The following IL1RAPL1 variants were observed in gnomAD, a reference collection of about 807,000 sequenced individuals.
IL1RAPL1 encodes the protein interleukin 1 receptor accessory protein like 1.
A neutral mutation model predicts 48.4 loss-of-function variants in IL1RAPL1; 3 were observed. The ratio of observed to expected loss-of-function variants is 0.06; its 90% CI spans 0.03 to 0.16. The LOEUF (loss-of-function observed/expected upper bound fraction) is 0.16. Among genes scored for constraint, IL1RAPL1 ranks in the 10% least tolerant of loss-of-function variants. The probability of loss-of-function intolerance (pLI) is 1.00; values close to 1 mark genes in which losing one functional copy is unlikely to be tolerated. For missense variants in IL1RAPL1, 349 were observed against 530.6 expected, an observed-to-expected ratio of 0.66 and a Z score of 3.36; for synonymous variants, 185 against 187.7, an observed-to-expected ratio of 0.99 and a Z score of 0.12.
chrX:28,662,157 T>C (rs760676512), intron 1 of IL1RAPL1, among the ~76,000 whole-genome samples: 7 of 110,430 alleles, frequency 6.3e-5, no homozygotes, highest in Non-Finnish European at 1.3e-4. Context: ...CTAGAGAAGC[T>C]GTTATTTACC....
intron 2 of IL1RAPL1, among the ~76,000 whole-genome samples, chrX:28,816,451 T>G (rs976646592): frequency 9.0e-6 from 1 of 110,512 alleles, no homozygotes; most frequent in African/African-American, 3.3e-5. Context: ...TTTATGTTCA[T>G]GAGTATCCAG....
intron 5 of IL1RAPL1, among the ~76,000 whole-genome samples, chrX:29,532,791 C>G (rs1007794148): frequency 5.4e-5 from 6 of 112,012 alleles, no homozygotes; most frequent in Admixed American, 4.7e-4. Flanking sequence ...TTTTTAAACT[C>G]TTCAAGCATT....
At chrX:29,084,811 C>G (rs1927917333) in intron 2 of IL1RAPL1, among the ~76,000 whole-genome samples, 1 of 112,391 alleles carries the variant, frequency 8.9e-6, no homozygotes, top group Non-Finnish European at 1.9e-5. Flanking sequence ...CCTGCCTCAG[C>G]CTCCCGAGTA....
intron 2 of IL1RAPL1, among the ~76,000 whole-genome samples, chrX:29,230,504 C>CGAAAAAAAAAAA (rs1931170202): frequency 6.0e-5 from 1 of 16,588 alleles, no homozygotes; most frequent in Non-Finnish European, 9.4e-5. Context: ...GTCCCTTTAC[C>CGAAAAAAAAAAA]AAAAAAAAAA....
intron 1 of IL1RAPL1, among the ~76,000 whole-genome samples, chrX:28,768,254 TC>T (rs1936263810): frequency 9.0e-6 from 1 of 111,454 alleles, no homozygotes; most frequent in Non-Finnish European, 1.9e-5. Context: ...TGCACTTTGA[TC>T]TTTACTTTGT....
chrX:29,566,683 A>G (rs1922417627), intron 5 of IL1RAPL1, among the ~76,000 whole-genome samples: 1 of 112,227 alleles, frequency 8.9e-6, no homozygotes, highest in South Asian at 3.7e-4. Flanking sequence ...AAGTATGCAC[A>G]TGGGGGGAAA....
intron 5 of IL1RAPL1, among the ~76,000 whole-genome samples, chrX:29,430,597 G>A (rs1934410343): frequency 9.4e-6 from 1 of 106,285 alleles, no homozygotes; most frequent in South Asian, 3.9e-4. Flanking sequence ...ATATATATGT[G>A]TGTGTGTGTG....
chrX:29,567,183 T>C (rs1922438529), intron 5 of IL1RAPL1, among the ~76,000 whole-genome samples: 2 of 109,538 alleles, frequency 1.8e-5, no homozygotes, highest in South Asian at 7.7e-4. Flanking sequence ...GAGAACATCT[T>C]ATTAGATACC....
rs1439540428 is a variant in IL1RAPL1 at position 29,110,098 on chromosome X, A to G, written c.83-172840A>G. On this transcript the variant is annotated intron_variant, in intron 2 of 10. Transcript: ENST00000378993. ...AAAAAGCCTTTGGTAAAATTCTTCA[A>G]ATATGAATTTAAGCCTGAACAACAA... is the stretch of plus-strand genomic sequence containing the variant. 8.9e-5 allele frequency among the ~76,000 whole-genome samples: 10 copies of G among 111,803 alleles called. No homozygotes were observed. The Admixed American group carries it at 9.5e-4, about 11-fold the overall frequency.
rs148060509 is a variant in IL1RAPL1 at position 28,789,379 on chromosome X, C to T, written c.36C>T (p.Tyr12=). The part of the protein sequence containing the change: ...KAPIPHLILL[Y]ATFTQSLKVV... The stretch of plus-strand genomic sequence containing the variant: ...CGATTCCACACTTGATTCTCTTATA[C>T]GCTACTTTTACTCAGAGTTTGAAGG... The change falls in exon 2 of 11, where the codon TAC becomes TAT. Residue 12 remains tyrosine, a synonymous_variant. Transcript: ENST00000378993. The T allele has an allele frequency of 1.5e-3, 1,813 of 1,208,183 alleles. 3 individuals are homozygous for T. Among genetic ancestry groups the T allele is most frequent in the Non-Finnish European group, 1.5e-3 (1,338 of 893,547 alleles).
chrX:29,584,359 T>C (rs746448676), intron 5 of IL1RAPL1, among the ~76,000 whole-genome samples: 9 of 111,650 alleles, frequency 8.1e-5, no homozygotes, highest in Non-Finnish European at 1.7e-4. Flanking sequence ...AAACCTTTCT[T>C]GACTCCAATT....
At chrX:29,750,639 C>T (rs982248478) in intron 6 of IL1RAPL1, among the ~76,000 whole-genome samples, 5 of 111,579 alleles carry the variant, frequency 4.5e-5, no homozygotes, top group Non-Finnish European at 9.4e-5. Context: ...AGTGTAATGA[C>T]GTGGCATTTA....
At chrX:29,135,967 C>T (rs1929117334) in intron 2 of IL1RAPL1, among the ~76,000 whole-genome samples, 1 of 111,353 alleles carries the variant, frequency 9.0e-6, no homozygotes, top group African/African-American at 3.3e-5. Flanking sequence ...AAACTCCTGA[C>T]CTCAAGTGAT....
chrX:29,641,849 G>T (rs1197913610), intron 5 of IL1RAPL1, among the ~76,000 whole-genome samples: 1 of 112,016 alleles, frequency 8.9e-6, no homozygotes. Flanking sequence ...TCAAAATCCA[G>T]GGTCTCATGG....
At chrX:28,890,993 A>G (rs1051964253) in intron 2 of IL1RAPL1, among the ~76,000 whole-genome samples, 1 of 112,464 alleles carries the variant, frequency 8.9e-6, no homozygotes, top group Non-Finnish European at 1.9e-5. Context: ...TGGATTAAGT[A>G]GTTTTTGGTG....
At chrX:28,697,685 A>T (rs1318999957) in intron 1 of IL1RAPL1, among the ~76,000 whole-genome samples, 1 of 111,806 alleles carries the variant, frequency 8.9e-6, no homozygotes, top group East Asian at 2.8e-4. Flanking sequence ...AAATATCTTC[A>T]TATAAATATT....
chrX:29,664,486 TGGTAGGATA>T (rs1380233539), intron 5 of IL1RAPL1, among the ~76,000 whole-genome samples: 3 of 111,103 alleles, frequency 2.7e-5, no homozygotes, highest in Non-Finnish European at 5.7e-5. Flanking sequence ...AAACATTTTA[TGGTAGGATA>T]AGTATAGATA....
chrX:28,985,873 A>T (rs1925461642), intron 2 of IL1RAPL1, among the ~76,000 whole-genome samples: 1 of 110,446 alleles, frequency 9.1e-6, no homozygotes, highest in East Asian at 2.9e-4. Context: ...GTTAGCCAGG[A>T]TGGTCTCGAT....
rs1388723084 is a variant in IL1RAPL1, at chrX:29,538,589, C to T, written c.704-129841C>T. Among the ~76,000 whole-genome samples the T allele has an allele frequency of 3.7e-5, 4 of 108,154 alleles. No homozygotes were observed. The South Asian group carries it at 1.2e-3, about 33-fold the overall frequency. The allele number at this position is 108,154 out of a possible 115,157, so 93.9% of individuals were successfully genotyped here. The stretch of plus-strand genomic sequence containing the variant: ...CTGACCTCAGGTGATACACCCACCT[C>T]GGCCTCCCAAAGTGCTAGGATTATA... On this transcript the variant is annotated intron_variant, in intron 5 of 10. Coordinates refer to ENST00000378993, the MANE Select transcript of IL1RAPL1 (RefSeq NM_014271.4).
Sources: gnomAD v4.1 joint callset for allele counts (sites outside exome capture counted in the v4.1 genomes callset) on GRCh38, gnomAD v4.1.1 for gene constraint, MANE v1.5 for transcripts, NCBI Gene and HGNC (gene_info 2026-07-23, HGNC 2026-07-21) for gene names.